The following LIMA1 variants were observed in gnomAD, a reference collection of about 807,000 sequenced individuals.
The protein encoded by LIMA1 is LIM domain and actin binding 1, also known as LIM domain and actin-binding protein 1.
In LIMA1, 52 loss-of-function variants were observed where a neutral mutation model predicts 62.6. The observed-to-expected ratio is 0.83, with a 90% CI of 0.67 to 1.05. LIMA1 has a LOEUF of 1.05. Among genes scored for constraint, LIMA1 ranks in the 50% least tolerant of loss-of-function variants. The pLI is 0.00. For missense variants in LIMA1, 780 were observed against 902.2 expected, an observed-to-expected ratio of 0.86 and a Z score of 1.74; for synonymous variants, 302 against 317.8, an observed-to-expected ratio of 0.95 and a Z score of 0.53.
intron 4 of LIMA1, chr12:50,217,672 T>G: frequency 4.5e-6 from 1 of 222,376 alleles, no homozygotes; most frequent in Non-Finnish European, 9.2e-6. Flanking sequence ...CCTTGATTTC[T>G]GGCGGTCGTG....
intron 4 of LIMA1, among the ~76,000 whole-genome samples, chr12:50,219,977 G>A (rs1031362021): frequency 1.3e-5 from 2 of 151,734 alleles, no homozygotes; most frequent in Non-Finnish European, 2.9e-5. Context: ...AAGCCACCGT[G>A]CCCAGCCTCT....
rs137989167 is a variant in LIMA1 at position 50,192,484 on chromosome 12, G to C, written c.1108C>G (p.Leu370Val). Residue 370 changes from leucine (L) to valine (V), a missense_variant, in exon 9 of 11, where the codon CTT (leucine) becomes GTT (valine). Transcript: ENST00000341247. Reference protein sequence around the residue: ...PLSPDSRASSLSESSPPKAMK... With the variant: ...PLSPDSRASSVSESSPPKAMK... The stretch of plus-strand genomic sequence containing the variant: ...GCTTTGGGAGGAGAACTTTCAGAAA[G>C]ACTGGAGGCTCTGGAATCTGGACTT... 2 of 1,613,976 alleles carry C rather than the reference G, an allele frequency of 1.2e-6. No homozygotes were observed. Among genetic ancestry groups the C allele is most frequent in the Non-Finnish European group, 1.7e-6 (2 of 1,179,848 alleles).
At chr12:50,232,639 G>A (rs1293394195) in intron 2 of LIMA1, among the ~76,000 whole-genome samples, 1 of 152,042 alleles carries the variant, frequency 6.6e-6, no homozygotes, top group Non-Finnish European at 1.5e-5. Flanking sequence ...CAAATGCTGG[G>A]ATTACAGGCA....
chr12:50,193,287 A>G (rs1301491625), intron 8 of LIMA1, among the ~76,000 whole-genome samples: 6 of 151,460 alleles, frequency 4.0e-5, no homozygotes, highest in Non-Finnish European at 5.9e-5. Flanking sequence ...CAAAAAAAGA[A>G]TGTTTCTGGA....
At chr12:50,191,001 A>G (rs1347870163) in intron 9 of LIMA1, among the ~76,000 whole-genome samples, 1 of 150,328 alleles carries the variant, frequency 6.7e-6, no homozygotes, top group Non-Finnish European at 1.5e-5. Context: ...ATGTGCTTAT[A>G]GTCCCAGCTA....
chr12:50,185,362 C>T, intron 9 of LIMA1: 1 of 456,138 alleles, frequency 2.2e-6, no homozygotes, highest in East Asian at 6.9e-5. Flanking sequence ...AAAGGAGAAC[C>T]TGTGAGAAAG....
At chr12:50,220,952 G>A (rs74336127) in intron 4 of LIMA1, among the ~76,000 whole-genome samples, 3,399 of 152,238 alleles carry the variant, frequency 0.022, 121 homozygotes, top group East Asian at 0.17. Flanking sequence ...AACATGACCC[G>A]CAAACATTCA....
intron 9 of LIMA1, chr12:50,188,870 C>G (rs1314041851): frequency 6.6e-6 from 1 of 152,236 alleles, no homozygotes; most frequent in Non-Finnish European, 1.5e-5. Context: ...TGTATTTCCC[C>G]AGGTCCTGGG....
intron 1 of LIMA1, among the ~76,000 whole-genome samples, chr12:50,263,941 T>C (rs1361664708): frequency 6.8e-6 from 1 of 147,318 alleles, no homozygotes; most frequent in Admixed American, 6.8e-5. Context: ...TGAAAACACA[T>C]GTCCACACAG....
intron 9 of LIMA1, among the ~76,000 whole-genome samples, chr12:50,183,603 G>C (rs1377385072): frequency 6.6e-6 from 1 of 151,928 alleles, no homozygotes; most frequent in Non-Finnish European, 1.5e-5. Flanking sequence ...ACGAGGTCAG[G>C]AGTTCAAGAC....
chr12:50,193,697 C>A (rs1355692412), intron 8 of LIMA1, among the ~76,000 whole-genome samples: 1 of 117,322 alleles, frequency 8.5e-6, no homozygotes. Flanking sequence ...CAGAGTCTCA[C>A]TCTGTCACCC....
At position 50,222,204 on chromosome 12, in the gene LIMA1, C is replaced by T. The variant is rs1372471896; in HGVS notation, c.447G>A (p.Glu149=). ...QGRYPHIKDG[E]DLKDHSTESK... is the part of the protein sequence containing the mutation. Reference sequence around the variant, plus strand: ...TTTCTGTTGAGTGGTCTTTAAGATCCTCACCGTCCTTGATGTGGGGATATC... The same window carrying T: ...TTTCTGTTGAGTGGTCTTTAAGATCTTCACCGTCCTTGATGTGGGGATATC... Residue 149 remains glutamate, a synonymous_variant, in exon 4 of 11, where the codon GAG becomes GAA. Coordinates refer to ENST00000341247, the MANE Select transcript of LIMA1 (RefSeq NM_016357.5). The T allele has an allele frequency of 6.2e-7, 1 of 1,614,134 alleles. No individual in the cohort carries two copies. Among genetic ancestry groups the T allele is most frequent in the Non-Finnish European group, 8.5e-7 (1 of 1,180,024 alleles).
At chr12:50,217,681 TG>T in intron 4 of LIMA1, 2 of 229,850 alleles carry the variant, frequency 8.7e-6, no homozygotes, top group South Asian at 6.2e-5. Flanking sequence ...CTGGCGGTCG[TG>T]GGGCAGCACC....
intron 1 of LIMA1, among the ~76,000 whole-genome samples, chr12:50,255,251 A>G (rs1237728966): frequency 6.6e-6 from 1 of 151,136 alleles, no homozygotes; most frequent in Non-Finnish European, 1.5e-5. Context: ...AAAACTACAA[A>G]CTCACTTATG....
In LIMA1 at chr12:50,212,259, GAGTCCCCTGCCTCACTTAGCCAC is replaced by G. The variant is rs1172052242; in HGVS notation, c.631-6214_631-6192del. On this transcript the variant is annotated intron_variant, in intron 4 of 10. Coordinates refer to ENST00000341247, the MANE Select transcript of LIMA1 (RefSeq NM_016357.5). The stretch of plus-strand genomic sequence containing the variant: ...GATTCTCAACACTTTAATTTACTGA[GAGTCCCCTGCCTCACTTAGCCAC>G]TTCCTTCAACCTTTCAACTTCAGCT... Among the ~76,000 whole-genome samples, 96 of 152,240 alleles carry G rather than the reference GAGTCCCCTGCCTCACTTAGCCAC, an allele frequency of 6.3e-4. 1 individual carries two copies. Among genetic ancestry groups the G allele is most frequent in the African/African-American group, 2.3e-3 (94 of 41,538 alleles).
At position 50,224,774 on chromosome 12, in the gene LIMA1, G is replaced by A. The variant is rs150254150; in HGVS notation, c.166-2289C>T. ...AGACGGGGTCTCGCTCTGTCACCCA[G>A]GCTGAAATGCAGTGGTGTAATCATA... On this transcript the variant is annotated intron_variant, in intron 3 of 10. Transcript: ENST00000341247. Among the ~76,000 whole-genome samples, 635 of 152,136 alleles carry A rather than the reference G, an allele frequency of 4.2e-3. 3 individuals are homozygous for A. The highest frequency in any genetic ancestry group is 0.027 in the Middle Eastern group (8 of 294).
At chr12:50,186,636 TG>T (rs1940637311) in intron 9 of LIMA1, 1 of 152,238 alleles carries the variant, frequency 6.6e-6, no homozygotes, top group South Asian at 2.1e-4. Context: ...TAGCTGCACA[TG>T]TTTTATCCTA....
chr12:50,183,574 A>T (rs1330076973), intron 9 of LIMA1, among the ~76,000 whole-genome samples: 1 of 152,052 alleles, frequency 6.6e-6, no homozygotes, highest in Non-Finnish European at 1.5e-5. Flanking sequence ...ACACTTTGGG[A>T]GGTTGAGGTA....
intron 1 of LIMA1, among the ~76,000 whole-genome samples, chr12:50,281,160 C>G (rs566152075): frequency 1.3e-5 from 2 of 152,152 alleles, no homozygotes; most frequent in South Asian, 4.1e-4. Context: ...TCTTTTGTGT[C>G]TGTGTGTGTG....
Sources: allele counts gnomAD v4.1 joint callset (sites outside exome capture counted in the v4.1 genomes callset), GRCh38; gene constraint gnomAD v4.1.1; transcripts MANE v1.5; gene names NCBI Gene and HGNC (gene_info 2026-07-23, HGNC 2026-07-21).